Variants in APCDD1L observed in about 807,000 individuals in gnomAD.
APCDD1L encodes protein APCDD1-like.
Under a neutral mutation model 24.2 loss-of-function variants are expected in APCDD1L, and 21 were observed. That is an observed-to-expected ratio of 0.87 (90% CI 0.61 to 1.25). The LOEUF is 1.25. Among genes scored for constraint, APCDD1L ranks in the 50% most tolerant of loss-of-function variants. APCDD1L has a pLI of 0.00. For missense variants in APCDD1L, 704 were observed against 711.7 expected (o/e 0.99, Z 0.12); for synonymous variants, 321 against 323.6 (o/e 0.99, Z 0.09).
chr20:58,483,604 G>C (rs1291579498), intron 1 of APCDD1L, among the ~76,000 whole-genome samples: 2 of 152,216 alleles, frequency 1.3e-5, no homozygotes, highest in Non-Finnish European at 2.9e-5. Context: ...GAGAAATGTT[G>C]ACTCAGTTAC....
Position 58,497,091 on chromosome 20 carries a change from C to G in APCDD1L, c.49+17568G>C, listed in dbSNP as rs905673063. On this transcript the variant is annotated intron_variant, in intron 1 of 3. Coordinates refer to ENST00000371149, the MANE Select transcript of APCDD1L (RefSeq NM_153360.3). This position sits in a 1 kb window ranked among gnomAD's most constrained non-coding sequence, Gnocchi z 4.3. Reference sequence around the variant, plus strand: ...GAGTGAGGCCATGCAGGGGACAGCTCGAGAAAGACAGGGCTCCAGGGTCAG... The same window carrying G: ...GAGTGAGGCCATGCAGGGGACAGCTGGAGAAAGACAGGGCTCCAGGGTCAG... 6.6e-6 allele frequency among the ~76,000 whole-genome samples: 1 copy of G among 151,532 alleles called. No individual in the cohort carries two copies. The highest frequency in any genetic ancestry group is 1.5e-5 in the Non-Finnish European group (1 of 67,960).
At chr20:58,505,537 C>T (rs1440458189) in intron 1 of APCDD1L, among the ~76,000 whole-genome samples, 1 of 152,134 alleles carries the variant, frequency 6.6e-6, no homozygotes, top group African/African-American at 2.4e-5. Context: ...TCTCTGGAAC[C>T]CTGGATATGG....
chr20:58,461,326 G>T lies in APCDD1L; in HGVS notation c.970C>A (p.Arg324=), dbSNP rs770561580. ...YYHHFSDPAC[R]QPTFTVYAAG... ...GCATACACGGTGAAGGTGGGCTGCC[G>T]GCAGGCTGGGTCTGAGAAGTGGTGG... The change falls in exon 4 of 4, where the codon CGG becomes AGG. Residue 324 remains arginine, a synonymous_variant. Transcript: ENST00000371149. This position sits in a 1 kb window ranked among gnomAD's most constrained non-coding sequence, Gnocchi z 6.0. The T allele has an allele frequency of 6.2e-7, 1 of 1,602,492 alleles. No individual in the cohort carries two copies. The highest frequency in any genetic ancestry group is 8.5e-7 in the Non-Finnish European group (1 of 1,172,066).
intron 1 of APCDD1L, among the ~76,000 whole-genome samples, chr20:58,493,927 T>A (rs960200771): frequency 3.3e-5 from 5 of 152,246 alleles, no homozygotes; most frequent in African/African-American, 1.2e-4. Flanking sequence ...ATTAATAGTC[T>A]ACAGTTAACC....
In APCDD1L at chr20:58,459,432, T is replaced by C. The variant is rs1277032547; in HGVS notation, c.*1358A>G. 6.6e-6 allele frequency: 1 copy of C among 151,812 alleles called. No homozygotes were observed. Among genetic ancestry groups the C allele is most frequent in the African/African-American group, 2.4e-5 (1 of 41,276 alleles). The allele number at this position is 151,812 out of a possible 1,614,324, so 9.4% of individuals were successfully genotyped here. On this transcript the variant is annotated 3_prime_UTR_variant, in exon 4 of 4. Transcript: ENST00000371149. ...CAGGCTGACTGAACCCCACACAGTC[T>C]CAGGGAGGAAAAGGGCTTCCCTCTG...
intron 1 of APCDD1L, among the ~76,000 whole-genome samples, chr20:58,513,454 G>A (rs139131647): frequency 2.0e-5 from 3 of 152,114 alleles, no homozygotes; most frequent in East Asian, 1.9e-4. Context: ...TTCAAACTGC[G>A]GAGGCACCCT....
intron 3 of APCDD1L, among the ~76,000 whole-genome samples, chr20:58,463,978 G>T (rs530862945): frequency 1.3e-5 from 2 of 148,978 alleles, no homozygotes; most frequent in Admixed American, 6.8e-5. Flanking sequence ...ATATAATATC[G>T]GAGACCATAT....
At chr20:58,502,621 A>T (rs1169059926) in intron 1 of APCDD1L, among the ~76,000 whole-genome samples, 1 of 152,152 alleles carries the variant, frequency 6.6e-6, no homozygotes, top group African/African-American at 2.4e-5. Context: ...AAGTTATAGG[A>T]CGTTATCTAC....
chr20:58,472,849 A>T (rs1989836903), intron 1 of APCDD1L, among the ~76,000 whole-genome samples: 1 of 152,154 alleles, frequency 6.6e-6, no homozygotes, highest in African/African-American at 2.4e-5. Context: ...TGTAGTGGGT[A>T]CGTAGGCACC....
At chr20:58,478,665 A>T (rs1213922738) in intron 1 of APCDD1L, among the ~76,000 whole-genome samples, 1 of 152,126 alleles carries the variant, frequency 6.6e-6, no homozygotes, top group Non-Finnish European at 1.5e-5. Flanking sequence ...TCGCTGAATG[A>T]ATGAATGGCT....
chr20:58,467,570 C>G lies in APCDD1L; in HGVS notation c.277G>C (p.Glu93Gln). 1 of 1,576,562 alleles carries G rather than the reference C, an allele frequency of 6.3e-7. No homozygotes were observed. The highest frequency in any genetic ancestry group is 8.6e-7 in the Non-Finnish European group (1 of 1,160,516). The change falls in exon 3 of 4, where the codon GAG becomes CAG. Residue 93 changes from glutamate to glutamine, a missense_variant. Coordinates refer to ENST00000371149, the MANE Select transcript of APCDD1L (RefSeq NM_153360.3). The surrounding 1 kb of genome is among the most constrained non-coding windows in gnomAD (Gnocchi z 5.9). ...GCAGGTTCCCCGCAGAAGGGGTCCT[C>G]GTAGTAGAACTGGTGGGCTCGAAAG... ...RLFRAHQFYY[E>Q]DPFCGEPAHS...
intron 1 of APCDD1L, among the ~76,000 whole-genome samples, chr20:58,502,017 T>C (rs1015979091): frequency 6.6e-6 from 1 of 152,208 alleles, no homozygotes; most frequent in Non-Finnish European, 1.5e-5. Context: ...CCCCATCTAA[T>C]AGCCCACCTC....
intron 1 of APCDD1L, among the ~76,000 whole-genome samples, chr20:58,512,719 T>C (rs901912971): frequency 1.3e-5 from 2 of 152,132 alleles, no homozygotes; most frequent in Admixed American, 1.3e-4. Context: ...CTGTTTCCTT[T>C]TACTAAAGCA....
At chr20:58,507,903 C>T (rs1164139505) in intron 1 of APCDD1L, among the ~76,000 whole-genome samples, 1 of 152,214 alleles carries the variant, frequency 6.6e-6, no homozygotes, top group East Asian at 1.9e-4. Context: ...ATTTGCTTCT[C>T]CTTGCTCATA....
chr20:58,490,151 A>AT (rs1990197151), intron 1 of APCDD1L, among the ~76,000 whole-genome samples: 1 of 152,186 alleles, frequency 6.6e-6, no homozygotes, highest in Non-Finnish European at 1.5e-5. Flanking sequence ...GATTAAAAAT[A>AT]TTTTTTGTTA....
At chr20:58,507,390 T>C (rs975738779) in intron 1 of APCDD1L, among the ~76,000 whole-genome samples, 1 of 152,336 alleles carries the variant, frequency 6.6e-6, no homozygotes, top group African/African-American at 2.4e-5. Context: ...ATAGAGAGGT[T>C]GTGAGGATGA....
intron 1 of APCDD1L, among the ~76,000 whole-genome samples, chr20:58,487,155 A>G (rs1401805062): frequency 6.6e-6 from 1 of 152,060 alleles, no homozygotes; most frequent in Non-Finnish European, 1.5e-5. Context: ...ATAAAATGAT[A>G]CCCTCTAATT....
rs567540403 is a variant in APCDD1L at position 58,508,831 on chromosome 20, A to G, written c.49+5828T>C. On this transcript the variant is annotated intron_variant, in intron 1 of 3. Transcript: ENST00000371149. This position sits in a 1 kb window ranked among gnomAD's most constrained non-coding sequence, Gnocchi z 4.0. ...CAGACTGTAAACAGGGAAACAGGTA[A>G]TGATAGGCCACGGTGTATGGAGAGT... Among the ~76,000 whole-genome samples, 3 of 152,304 alleles carry G rather than the reference A, an allele frequency of 2.0e-5. No individual in the cohort carries two copies. The East Asian group carries it at 5.8e-4, about 29-fold the overall frequency.
At chr20:58,510,180 C>T (rs1990600395) in intron 1 of APCDD1L, among the ~76,000 whole-genome samples, 1 of 152,154 alleles carries the variant, frequency 6.6e-6, no homozygotes, top group East Asian at 1.9e-4. Context: ...TAATTAGTTG[C>T]TCATTTAAGA....
Sources: allele counts gnomAD v4.1 joint callset (sites outside exome capture counted in the v4.1 genomes callset), GRCh38; gene constraint gnomAD v4.1.1; non-coding constraint Gnocchi (gnomAD v3.1); transcripts MANE v1.5; gene names NCBI Gene and HGNC (gene_info 2026-07-23, HGNC 2026-07-21).